CCDC62: variants seen among roughly 807,000 people sequenced by gnomAD.
CCDC62 encodes coiled-coil domain containing 62, also known as coiled-coil domain-containing protein 62.
CCDC62 carries 72 observed loss-of-function variants against 80.8 expected under a neutral mutation model. The observed-to-expected ratio is 0.89, with a 90% confidence interval of 0.74 to 1.08. The LOEUF is 1.08. Ranked by LOEUF, CCDC62 falls within the 50% of genes least tolerant of loss-of-function variation. CCDC62 has a pLI of 0.00. For missense variants in CCDC62, 704 were observed against 809.4 expected (o/e 0.87, Z 1.58); for synonymous variants, 286 against 296.5 (o/e 0.96, Z 0.36).
intron 12 of CCDC62, among the ~76,000 whole-genome samples, chr12:122,824,860 A>G (rs1384751278): frequency 6.6e-6 from 1 of 152,046 alleles, no homozygotes; most frequent in South Asian, 2.1e-4. Context: ...CGAGGCAGGC[A>G]GATCACCTGA....
At chr12:122,805,453 C>T (rs1266741296) in intron 9 of CCDC62, among the ~76,000 whole-genome samples, 2 of 148,352 alleles carry the variant, frequency 1.3e-5, no homozygotes, top group Non-Finnish European at 3.0e-5. Flanking sequence ...AAGCAATTCT[C>T]CTGCCTCAGC....
At chr12:122,789,801 A>G (rs1566073142) in intron 5 of CCDC62, among the ~76,000 whole-genome samples, 3 of 152,142 alleles carry the variant, frequency 2.0e-5, no homozygotes, top group Admixed American at 6.6e-5. Context: ...GCCTTGACCT[A>G]TGGTTAGCCA....
intron 5 of CCDC62, among the ~76,000 whole-genome samples, chr12:122,789,215 A>T (rs1180019563): frequency 6.6e-6 from 1 of 152,162 alleles, no homozygotes; most frequent in Non-Finnish European, 1.5e-5. Flanking sequence ...GTGGCAGACA[A>T]CATCAGTATC....
intron 10 of CCDC62, among the ~76,000 whole-genome samples, chr12:122,812,403 T>C (rs1311366441): frequency 7.1e-6 from 1 of 140,690 alleles, no homozygotes; most frequent in African/African-American, 2.7e-5. Flanking sequence ...GGTTACACTA[T>C]TGCACTCCAG....
chr12:122,779,718 G>T (rs1879705196), intron 2 of CCDC62, among the ~76,000 whole-genome samples: 1 of 151,880 alleles, frequency 6.6e-6, no homozygotes, highest in Non-Finnish European at 1.5e-5. Context: ...GGCCAACCTG[G>T]CCAACATGGT....
At chr12:122,824,424 C>CA (rs2032528893) in intron 12 of CCDC62, among the ~76,000 whole-genome samples, 1 of 51,428 alleles carries the variant, frequency 1.9e-5, no homozygotes, top group East Asian at 4.6e-4. Context: ...TCTAAACAAA[C>CA]AAACAAAAAA....
At chr12:122,809,762 C>CA (rs1164337782) in intron 10 of CCDC62, among the ~76,000 whole-genome samples, 1 of 152,214 alleles carries the variant, frequency 6.6e-6, no homozygotes, top group Non-Finnish European at 1.5e-5. Flanking sequence ...TACCTGACTT[C>CA]AAACTATACT....
chr12:122,807,097 A>AGGCAAG (rs2031648043), intron 10 of CCDC62, among the ~76,000 whole-genome samples: 1 of 152,116 alleles, frequency 6.6e-6, no homozygotes, highest in Non-Finnish European at 1.5e-5. Flanking sequence ...GGCAAGGTAC[A>AGGCAAG]GTGCCTCGTG....
chr12:122,790,338 C>T (rs2030525084), intron 5 of CCDC62, among the ~76,000 whole-genome samples: 1 of 140,962 alleles, frequency 7.1e-6, no homozygotes, highest in South Asian at 2.3e-4. Context: ...GCATGAGCCA[C>T]CACACCCAGC....
At chr12:122,818,934 T>A (rs1489125067) in intron 11 of CCDC62, among the ~76,000 whole-genome samples, 1 of 152,066 alleles carries the variant, frequency 6.6e-6, no homozygotes, top group Non-Finnish European at 1.5e-5. Flanking sequence ...AAAAATATAT[T>A]TTTTTCAGAG....
chr12:122,804,329 A>T (rs2031468629), intron 9 of CCDC62, among the ~76,000 whole-genome samples: 1 of 152,204 alleles, frequency 6.6e-6, no homozygotes, highest in African/African-American at 2.4e-5. Flanking sequence ...TCTACTAAAA[A>T]TACAAAAATG....
intron 3 of CCDC62, among the ~76,000 whole-genome samples, chr12:122,782,227 G>A (rs2135531234): frequency 6.6e-6 from 1 of 151,820 alleles, no homozygotes; most frequent in South Asian, 2.1e-4. Flanking sequence ...GTGTACGAAG[G>A]TATCTACACT....
intron 4 of CCDC62, among the ~76,000 whole-genome samples, chr12:122,786,213 T>C (rs1357994717): frequency 6.6e-6 from 1 of 152,180 alleles, no homozygotes; most frequent in East Asian, 1.9e-4. Context: ...AGTGGCTCCG[T>C]CTCAGCTCGC....
intron 11 of CCDC62, among the ~76,000 whole-genome samples, chr12:122,819,076 G>C (rs914555525): frequency 2.6e-5 from 4 of 152,142 alleles, no homozygotes; most frequent in African/African-American, 9.7e-5. Context: ...TGGAAAAACT[G>C]TTGGCTCCAG....
rs546971318 is a variant in CCDC62, at chr12:122,781,045, A to G, written c.230-119A>G. On this transcript the variant is annotated intron_variant, in intron 2 of 12. Transcript: ENST00000253079. ...GTGCATTTCATAATAAAAGGTTTTA[A>G]AAGAAGATTGTCTTTTTAAAAATTC... 1.3e-4 allele frequency: 96 copies of G among 728,434 alleles called. 2 individuals are homozygous for G. In the South Asian group the frequency reaches 1.8e-3, roughly 14 times the overall value. 45.1% of individuals were successfully genotyped at this position (728,434 alleles called of 1,614,324 possible). A position where few individuals can be genotyped will look rare whatever the true frequency, so the allele number is the denominator to read the frequency against.
At chr12:122,818,914 C>T (rs988220201) in intron 11 of CCDC62, among the ~76,000 whole-genome samples, 1 of 152,138 alleles carries the variant, frequency 6.6e-6, no homozygotes, top group Non-Finnish European at 1.5e-5. Context: ...CAGAGCAAGA[C>T]CCTGTCTCAA....
intron 8 of CCDC62, among the ~76,000 whole-genome samples, chr12:122,799,019 G>T (rs906902498): frequency 6.6e-6 from 1 of 152,170 alleles, no homozygotes; most frequent in Non-Finnish European, 1.5e-5. Flanking sequence ...GGCAGAGGTT[G>T]CAGTGAGCTG....
At chr12:122,796,819 A>T (rs2030983505) in intron 6 of CCDC62, among the ~76,000 whole-genome samples, 1 of 151,588 alleles carries the variant, frequency 6.6e-6, no homozygotes, top group Non-Finnish European at 1.5e-5. Context: ...AATCATCCTT[A>T]TTCTATCTCC....
In CCDC62 at chr12:122,774,711, G is replaced by T. The variant is rs937745533; in HGVS notation, c.36+5G>T. On this transcript the variant is annotated splice_donor_5th_base_variant and intron_variant, in intron 1 of 12. Transcript: ENST00000253079. ...GCCTTCCTTGCCGGGCGCCAGGTAA[G>T]CAGCGGTTCCGGGCGCGGCGGGGCG... 1.6e-6 allele frequency: 2 copies of T among 1,255,108 alleles called. No individual in the cohort carries two copies. Among genetic ancestry groups the T allele is most frequent in the Non-Finnish European group, 2.0e-6 (2 of 990,884 alleles). The allele number at this position is 1,255,108 out of a possible 1,614,324, so 77.7% of individuals were successfully genotyped here. A position where few individuals can be genotyped will look rare whatever the true frequency, so the allele number is the denominator to read the frequency against.
Sources: allele counts gnomAD v4.1 joint callset (sites outside exome capture counted in the v4.1 genomes callset), GRCh38; gene constraint gnomAD v4.1.1; transcripts MANE v1.5; gene names NCBI Gene and HGNC (gene_info 2026-07-23, HGNC 2026-07-21).